IL1RAPL1: variants seen among roughly 807,000 people sequenced by gnomAD.
The protein encoded by IL1RAPL1 is interleukin-1 receptor accessory protein-like 1.
In IL1RAPL1, 3 loss-of-function variants were observed where a neutral mutation model predicts 48.4. The observed-to-expected ratio is 0.06, with a 90% CI of 0.03 to 0.16. The LOEUF (loss-of-function observed/expected upper bound fraction) is 0.16, where lower values mean the gene tolerates loss of function less well. Among genes scored for constraint, IL1RAPL1 ranks in the 10% least tolerant of loss-of-function variants. The pLI is 1.00. For missense variants in IL1RAPL1, 349 were observed against 530.6 expected, an observed-to-expected ratio of 0.66 and a Z score of 3.36; for synonymous variants, 185 against 187.7, an observed-to-expected ratio of 0.99 and a Z score of 0.12.
At chrX:28,899,411 G>GA (rs756716529) in intron 2 of IL1RAPL1, among the ~76,000 whole-genome samples, 1 of 111,841 alleles carries the variant, frequency 8.9e-6, no homozygotes, top group Non-Finnish European at 1.9e-5. Context: ...GCCTTCCTTG[G>GA]CCTCCCAAAG....
intron 8 of IL1RAPL1, among the ~76,000 whole-genome samples, chrX:29,922,046 GAAC>G (rs973922225): frequency 9.9e-5 from 11 of 110,923 alleles, no homozygotes; most frequent in Non-Finnish European, 1.9e-4. Context: ...GTGTTGACTT[GAAC>G]AACATATTTT....
chrX:28,668,840 T>C (rs941434823), intron 1 of IL1RAPL1, among the ~76,000 whole-genome samples: 1 of 111,811 alleles, frequency 8.9e-6, no homozygotes, highest in African/African-American at 3.3e-5. Flanking sequence ...TAGCATAATA[T>C]AGTCATGAGA....
At chrX:29,326,615 CATTTA>C (rs1199311748) in intron 3 of IL1RAPL1, among the ~76,000 whole-genome samples, 2 of 112,190 alleles carry the variant, frequency 1.8e-5, no homozygotes, top group East Asian at 5.5e-4. Flanking sequence ...AAGAGATAAT[CATTTA>C]ATTTATGTTT....
At chrX:29,155,744 A>G (rs760167077) in intron 2 of IL1RAPL1, among the ~76,000 whole-genome samples, 1 of 111,624 alleles carries the variant, frequency 9.0e-6, no homozygotes, top group African/African-American at 3.2e-5. Context: ...TTTCTTGCAA[A>G]CAGGGATTTT....
chrX:29,724,866 A>T (rs776192897), intron 6 of IL1RAPL1, among the ~76,000 whole-genome samples: 4 of 112,210 alleles, frequency 3.6e-5, no homozygotes, highest in African/African-American at 9.7e-5. Context: ...ATGTACTGCT[A>T]CTATTGTATT....
chrX:29,364,142 ATAAG>A lies in IL1RAPL1; in HGVS notation c.363-32113_363-32110del, dbSNP rs1933413969. 6.2e-5 allele frequency among the ~76,000 whole-genome samples: 7 copies of A among 112,557 alleles called. No homozygotes were observed. The South Asian group carries it at 2.6e-3, about 41-fold the overall frequency. On this transcript the variant is annotated intron_variant, in intron 3 of 10. Coordinates refer to ENST00000378993, the MANE Select transcript of IL1RAPL1 (RefSeq NM_014271.4). ...TTTAATTTACTTGTTTCTTAAACACATAAGTATTATGTTAACTTCTGCATAAAAA... is the reference window on the plus strand; with the variant it reads ...TTTAATTTACTTGTTTCTTAAACACATATTATGTTAACTTCTGCATAAAAA...
chrX:28,993,075 T>C (rs1215348790), intron 2 of IL1RAPL1, among the ~76,000 whole-genome samples: 1 of 112,083 alleles, frequency 8.9e-6, no homozygotes, highest in African/African-American at 3.2e-5. Flanking sequence ...GATTTGAAAA[T>C]TATGCTGTGA....
chrX:29,171,873 G>A (rs941658097), intron 2 of IL1RAPL1, among the ~76,000 whole-genome samples: 12 of 112,225 alleles, frequency 1.1e-4, no homozygotes, highest in African/African-American at 3.5e-4. Context: ...CCATGCATTT[G>A]AATGTTTATT....
At chrX:29,475,395 T>C (rs756434920) in intron 5 of IL1RAPL1, among the ~76,000 whole-genome samples, 3 of 112,097 alleles carry the variant, frequency 2.7e-5, no homozygotes, top group East Asian at 5.6e-4. Flanking sequence ...TATAAAGATA[T>C]GAGTAATTGT....
chrX:29,782,887 CATTT>C lies in IL1RAPL1; in HGVS notation c.778+114384_778+114387del, dbSNP rs1485576891. On this transcript the variant is annotated intron_variant, in intron 6 of 10. Transcript: ENST00000378993. ...GGAAGATAAAATGGGTTGATCGTGACATTTTTTTTTTTTTTTTTTTTTTTTTTTT... is the reference window on the plus strand; with the variant it reads ...GGAAGATAAAATGGGTTGATCGTGACTTTTTTTTTTTTTTTTTTTTTTTTT... 5.5e-3 allele frequency among the ~76,000 whole-genome samples: 331 copies of C among 59,825 alleles called. 9 individuals carry two copies. Among genetic ancestry groups the C allele is most frequent in the African/African-American group, 0.02 (315 of 15,439 alleles). The allele number at this position is 59,825 out of a possible 115,157, so 52.0% of individuals were successfully genotyped here. A position where few individuals can be genotyped will look rare whatever the true frequency, so the allele number is the denominator to read the frequency against.
At chrX:29,910,165 C>A (rs1391147979) in intron 6 of IL1RAPL1, among the ~76,000 whole-genome samples, 1 of 110,989 alleles carries the variant, frequency 9.0e-6, no homozygotes, top group East Asian at 2.8e-4. Flanking sequence ...CCAAATACCA[C>A]ATGTTCTCAC....
intron 6 of IL1RAPL1, among the ~76,000 whole-genome samples, chrX:29,882,704 C>T (rs1285491598): frequency 8.9e-6 from 1 of 111,892 alleles, no homozygotes; most frequent in African/African-American, 3.2e-5. Flanking sequence ...CCCTAGTTGG[C>T]AAACCTCTGG....
rs1932028174 is a variant in IL1RAPL1, at chrX:29,270,687, CTG to C, written c.83-12248_83-12247del. Among the ~76,000 whole-genome samples the C allele has an allele frequency of 1.3e-4, 14 of 111,967 alleles. No homozygotes were observed. In the South Asian group the frequency reaches 4.8e-3, roughly 38 times the overall value. ...TGTTTGATTAGTTTGATTATGGTAACTGTGATAAATCTTGAAATCAGGTAGCA... is the reference window on the plus strand; with the variant it reads ...TGTTTGATTAGTTTGATTATGGTAACTGATAAATCTTGAAATCAGGTAGCA... On this transcript the variant is annotated intron_variant, in intron 2 of 10. Coordinates refer to ENST00000378993, the MANE Select transcript of IL1RAPL1 (RefSeq NM_014271.4).
intron 2 of IL1RAPL1, among the ~76,000 whole-genome samples, chrX:29,057,168 T>G (rs1927233650): frequency 8.9e-6 from 1 of 112,050 alleles, no homozygotes; most frequent in African/African-American, 3.2e-5. Flanking sequence ...TAGTATCCAA[T>G]GATTAAAATA....
chrX:28,857,055 T>C lies in IL1RAPL1; in HGVS notation c.82+67630T>C, dbSNP rs111309520. 5.1e-3 allele frequency among the ~76,000 whole-genome samples: 571 copies of C among 112,106 alleles called. 2 individuals carry two copies. Among genetic ancestry groups the C allele is most frequent in the Non-Finnish European group, 9.0e-3 (480 of 53,179 alleles). On this transcript the variant is annotated intron_variant, in intron 2 of 10. Coordinates refer to ENST00000378993, the MANE Select transcript of IL1RAPL1 (RefSeq NM_014271.4). ...AAATGTTAAGAAAGCAAAACAGCCT[T>C]ATTGATGAAATGGAGAAAGCTTGTG...
chrX:29,263,860 T>TCCC (rs34183350), intron 2 of IL1RAPL1, among the ~76,000 whole-genome samples: 2 of 81,065 alleles, frequency 2.5e-5, no homozygotes, highest in African/African-American at 9.3e-5. Flanking sequence ...TCTCTCTCTC[T>TCCC]CCCCCCCCCC....
rs370099615 is a variant in IL1RAPL1, at chrX:28,991,684, A to G, written c.82+202259A>G. 5.3e-4 allele frequency among the ~76,000 whole-genome samples: 60 copies of G among 112,325 alleles called. 2 individuals are homozygous for G. The highest frequency in any genetic ancestry group is 1.8e-3 in the Admixed American group (19 of 10,599). ...AGAGACATAAATATATTTGGATAGC[A>G]TAAAACTTAGGAACAAATTATTGTT... On this transcript the variant is annotated intron_variant, in intron 2 of 10. Transcript: ENST00000378993.
intron 6 of IL1RAPL1, among the ~76,000 whole-genome samples, chrX:29,716,107 A>G (rs1239907676): frequency 2.7e-5 from 3 of 111,108 alleles, no homozygotes; most frequent in Non-Finnish European, 5.7e-5. Flanking sequence ...GATACCAGTG[A>G]GGAAGTGAGG....
At chrX:28,794,209 A>G (rs762388057) in intron 2 of IL1RAPL1, among the ~76,000 whole-genome samples, 1 of 111,727 alleles carries the variant, frequency 9.0e-6, no homozygotes, top group South Asian at 3.7e-4. Flanking sequence ...GATGAAGACA[A>G]TGAACCTTTA....
Sources: gnomAD v4.1 joint callset for allele counts (sites outside exome capture counted in the v4.1 genomes callset) on GRCh38, gnomAD v4.1.1 for gene constraint, MANE v1.5 for transcripts, NCBI Gene and HGNC (gene_info 2026-07-23, HGNC 2026-07-21) for gene names.